Variants in PTPRN2 observed in about 807,000 individuals in gnomAD.
PTPRN2 encodes the protein protein tyrosine phosphatase receptor type N2, also known as receptor-type tyrosine-protein phosphatase N2.
PTPRN2 carries 74 observed loss-of-function variants against 118.8 expected under a neutral mutation model. The ratio of observed to expected loss-of-function variants is 0.62; its 90% CI spans 0.52 to 0.76. The LOEUF is 0.76. Among genes scored for constraint, PTPRN2 ranks in the 30% least tolerant of loss-of-function variants. PTPRN2 has a pLI of 0.00. For synonymous variants in PTPRN2, 641 were observed against 608.0 expected, an observed-to-expected ratio of 1.05 and a Z score of -0.80; for missense variants, 1,481 against 1,394.4, an observed-to-expected ratio of 1.06 and a Z score of -0.99.
chr7:158,257,158 G>C (rs1322376890), intron 3 of PTPRN2, among the ~76,000 whole-genome samples: 2 of 152,144 alleles, frequency 1.3e-5, no homozygotes, highest in Non-Finnish European at 1.5e-5. Flanking sequence ...AGTATCCTCT[G>C]TCTACCACCC....
intron 13 of PTPRN2, among the ~76,000 whole-genome samples, chr7:157,677,501 C>T (rs772220524): frequency 1.3e-5 from 2 of 152,092 alleles, no homozygotes; most frequent in Non-Finnish European, 1.5e-5. Context: ...TTGGGCAAAA[C>T]GGCAGGATGT....
At chr7:157,973,317 A>T (rs905834300) in intron 11 of PTPRN2, among the ~76,000 whole-genome samples, 1 of 152,002 alleles carries the variant, frequency 6.6e-6, no homozygotes, top group Non-Finnish European at 1.5e-5. Flanking sequence ...GAACCACATA[A>T]AACCTGCAGA....
rs567856728 is a variant in PTPRN2 at position 157,801,961 on chromosome 7, C to T, written c.1788+96712G>A. Among the ~76,000 whole-genome samples the T allele has an allele frequency of 6.6e-6, 1 of 152,194 alleles. No homozygotes were observed. Among genetic ancestry groups the T allele is most frequent in the Non-Finnish European group, 1.5e-5 (1 of 68,038 alleles). ...CTTGGGTGGGCCGCACGCTCTGGGGCGGCTCCTGACCTTTTCTGGCTTGTG... is the reference window on the plus strand; with the variant it reads ...CTTGGGTGGGCCGCACGCTCTGGGGTGGCTCCTGACCTTTTCTGGCTTGTG... On this transcript the variant is annotated intron_variant, in intron 12 of 22. Transcript: ENST00000389418. This position sits in a 1 kb window ranked among gnomAD's most constrained non-coding sequence, Gnocchi z 4.2.
intron 12 of PTPRN2, among the ~76,000 whole-genome samples, chr7:157,700,656 A>G (rs1421381498): frequency 2.0e-5 from 3 of 152,136 alleles, no homozygotes; most frequent in Non-Finnish European, 2.9e-5. Context: ...GTCCACTGGA[A>G]CAGCTTCCTG....
intron 14 of PTPRN2, among the ~76,000 whole-genome samples, chr7:157,641,606 G>A (rs1804671780): frequency 6.6e-6 from 1 of 152,122 alleles, no homozygotes; most frequent in Non-Finnish European, 1.5e-5. Context: ...GTCACACTGG[G>A]AAGCCAGACT....
At chr7:158,568,265 G>T (rs1827777375) in intron 1 of PTPRN2, among the ~76,000 whole-genome samples, 1 of 151,926 alleles carries the variant, frequency 6.6e-6, no homozygotes, top group South Asian at 2.1e-4. Context: ...TAATAATAAT[G>T]TTTTAAATTT....
chr7:157,581,843 C>A (rs1461974680), intron 17 of PTPRN2, among the ~76,000 whole-genome samples: 3 of 152,326 alleles, frequency 2.0e-5, no homozygotes, highest in East Asian at 3.9e-4. Flanking sequence ...CCCAATCCAA[C>A]GTGACTGTGT....
At chr7:158,363,424 C>A (rs964772513) in intron 2 of PTPRN2, among the ~76,000 whole-genome samples, 3 of 152,152 alleles carry the variant, frequency 2.0e-5, no homozygotes, top group Middle Eastern at 3.2e-3. Flanking sequence ...TCGGAAAAAA[C>A]AAAACATACA....
chr7:158,002,541 C>T (rs772453992), intron 11 of PTPRN2, among the ~76,000 whole-genome samples: 11 of 152,130 alleles, frequency 7.2e-5, no homozygotes, highest in Non-Finnish European at 1.3e-4. Context: ...GGCCAAATGC[C>T]GCAGGTGTGG....
chr7:157,810,959 T>C (rs1805991917), intron 12 of PTPRN2, among the ~76,000 whole-genome samples: 2 of 152,080 alleles, frequency 1.3e-5, no homozygotes, highest in South Asian at 4.1e-4. Context: ...TGAAGTTTCA[T>C]CTGTTATCTT....
intron 12 of PTPRN2, among the ~76,000 whole-genome samples, chr7:157,713,157 C>T (rs1798734141): frequency 1.3e-5 from 2 of 152,196 alleles, no homozygotes; most frequent in Non-Finnish European, 2.9e-5. Context: ...GATGGTCGCA[C>T]TTGGGCAGGG....
At chr7:157,985,364 C>T (rs776964644) in intron 11 of PTPRN2, among the ~76,000 whole-genome samples, 6 of 152,224 alleles carry the variant, frequency 3.9e-5, no homozygotes, top group Middle Eastern at 3.2e-3. Flanking sequence ...GACACCTACA[C>T]TTGGAGGAAG....
chr7:157,605,724 G>A (rs1433064901), intron 15 of PTPRN2, among the ~76,000 whole-genome samples: 1 of 152,242 alleles, frequency 6.6e-6, no homozygotes, highest in Non-Finnish European at 1.5e-5. Context: ...GGAGTGGGTA[G>A]CTCCTCTCTG....
intron 12 of PTPRN2, among the ~76,000 whole-genome samples, chr7:157,844,715 C>T (rs981799691): frequency 2.6e-5 from 4 of 152,228 alleles, no homozygotes; most frequent in Non-Finnish European, 4.4e-5. Flanking sequence ...CTAAGTTGCT[C>T]TGTGTTCCCG....
At chr7:158,583,394 G>T (rs10275533) in intron 1 of PTPRN2, among the ~76,000 whole-genome samples, 1 of 151,820 alleles carries the variant, frequency 6.6e-6, no homozygotes, top group Non-Finnish European at 1.5e-5. Flanking sequence ...AGAGATTCCC[G>T]CTGTGCACCA....
chr7:158,474,572 C>A lies in PTPRN2; in HGVS notation c.163+15163G>T, dbSNP rs548796504. On this transcript the variant is annotated intron_variant, in intron 2 of 22. Coordinates refer to ENST00000389418, the MANE Select transcript of PTPRN2 (RefSeq NM_002847.5). ...GAGCATGCCCATGTGCCCGCCCAAA[C>A]TACGGGCCACCTCCACCAGAGTCAA... is the stretch of plus-strand genomic sequence containing the variant. 5.8e-4 allele frequency among the ~76,000 whole-genome samples: 89 copies of A among 152,372 alleles called. 1 individual carries two copies. The East Asian group carries it at 0.015, about 26-fold the overall frequency.
intron 12 of PTPRN2, among the ~76,000 whole-genome samples, chr7:157,886,406 G>A (rs1357092675): frequency 6.6e-6 from 1 of 152,200 alleles, no homozygotes; most frequent in Non-Finnish European, 1.5e-5. Context: ...GACTGCCGTT[G>A]CCACAGGCAG....
chr7:158,147,764 C>G (rs1307271596), intron 6 of PTPRN2, among the ~76,000 whole-genome samples: 4 of 118,672 alleles, frequency 3.4e-5, no homozygotes, highest in East Asian at 2.4e-4. Context: ...GACACCCCAC[C>G]TCACGCCACG....
intron 12 of PTPRN2, among the ~76,000 whole-genome samples, chr7:157,804,180 G>A (rs1805488409): frequency 6.6e-6 from 1 of 152,270 alleles, no homozygotes; most frequent in Admixed American, 6.5e-5. Context: ...GTGTGGAGGG[G>A]CCTGTTTACC....
Sources: gnomAD v4.1 joint callset for allele counts (sites outside exome capture counted in the v4.1 genomes callset) on GRCh38, gnomAD v4.1.1 for gene constraint, Gnocchi (gnomAD v3.1) non-coding constraint, MANE v1.5 for transcripts, NCBI Gene and HGNC (gene_info 2026-07-23, HGNC 2026-07-21) for gene names.